Variants in ERC2 observed in about 807,000 individuals in gnomAD.
ERC2 encodes the protein ERC protein 2.
Under a neutral mutation model 114.8 loss-of-function variants are expected in ERC2, and 42 were observed. That is an observed-to-expected ratio of 0.37 (90% confidence interval 0.29 to 0.47). The LOEUF is 0.47. ERC2 is among the 20% of genes least tolerant of loss of function. ERC2 has a pLI of 0.99. For synonymous variants in ERC2, 454 were observed against 425.5 expected (o/e 1.07, Z -0.82); for missense variants, 939 against 1,150.7 (o/e 0.82, Z 2.66).
intron 14 of ERC2, among the ~76,000 whole-genome samples, chr3:55,838,167 C>A (rs1370911243): frequency 2.0e-5 from 3 of 151,610 alleles, no homozygotes; most frequent in Non-Finnish European, 4.4e-5. Flanking sequence ...GAAAGAAAAT[C>A]AACAACGGGA....
At chr3:55,669,809 T>C (rs1438808750) in intron 17 of ERC2, among the ~76,000 whole-genome samples, 1 of 152,260 alleles carries the variant, frequency 6.6e-6, no homozygotes, top group Non-Finnish European at 1.5e-5. Flanking sequence ...GTTCCATTTG[T>C]TCCCTTGGCC....
At chr3:56,401,672 C>T (rs9856215) in intron 2 of ERC2, among the ~76,000 whole-genome samples, 6,769 of 152,160 alleles carry the variant, frequency 0.044, 374 homozygotes, top group African/African-American at 0.13. Flanking sequence ...AGTAGAATAG[C>T]TGCTGGGCAA....
chr3:56,389,490 C>T (rs1319135787), intron 2 of ERC2, among the ~76,000 whole-genome samples: 3 of 152,132 alleles, frequency 2.0e-5, no homozygotes, highest in Non-Finnish European at 4.4e-5. Flanking sequence ...TGAGAAAGGC[C>T]ACCTGCAAAT....
chr3:55,748,367 A>G (rs1484103919), intron 14 of ERC2, among the ~76,000 whole-genome samples: 3 of 152,182 alleles, frequency 2.0e-5, no homozygotes, highest in African/African-American at 7.2e-5. Flanking sequence ...CTGAGTGACC[A>G]CTGTGTACCA....
intron 13 of ERC2, among the ~76,000 whole-genome samples, chr3:55,921,513 T>A (rs765101923): frequency 3.9e-5 from 6 of 152,102 alleles, no homozygotes; most frequent in African/African-American, 7.2e-5. Context: ...CAAAATTCTG[T>A]CATCGCAAAC....
chr3:55,827,145 TG>T (rs1355038621), intron 14 of ERC2, among the ~76,000 whole-genome samples: 1 of 152,216 alleles, frequency 6.6e-6, no homozygotes, highest in Non-Finnish European at 1.5e-5. Context: ...GTATTCCTGC[TG>T]CATGTGATTC....
chr3:55,713,307 T>C (rs1286672082), intron 15 of ERC2, among the ~76,000 whole-genome samples: 4 of 151,892 alleles, frequency 2.6e-5, no homozygotes, highest in Admixed American at 6.6e-5. Flanking sequence ...ACCTCCCAGG[T>C]TCAAGCAATT....
intron 5 of ERC2, among the ~76,000 whole-genome samples, chr3:56,140,907 C>T (rs1431004837): frequency 2.6e-5 from 4 of 152,072 alleles, no homozygotes; most frequent in African/African-American, 7.2e-5. Flanking sequence ...ACCTGTATTC[C>T]CAGCTACTCG....
chr3:55,885,361 A>G (rs1443227261), intron 14 of ERC2, among the ~76,000 whole-genome samples: 1 of 152,230 alleles, frequency 6.6e-6, no homozygotes, highest in African/African-American at 2.4e-5. Flanking sequence ...TGGTGCCTCT[A>G]GTTGAGGATC....
chr3:56,064,757 G>C (rs1354302818), intron 7 of ERC2, among the ~76,000 whole-genome samples: 3 of 131,284 alleles, frequency 2.3e-5, no homozygotes, highest in Non-Finnish European at 5.1e-5. Context: ...GAGTTGCCTA[G>C]AGGCTGTAAG....
intron 3 of ERC2, among the ~76,000 whole-genome samples, chr3:56,230,547 G>A (rs192725180): frequency 2.6e-5 from 4 of 152,114 alleles, no homozygotes; most frequent in South Asian, 2.1e-4. Context: ...GACATGAGCC[G>A]CCACAGTTGG....
At chr3:56,010,677 A>C (rs906080700) in intron 8 of ERC2, 88 bp from the exon 9 acceptor site, 2 of 1,405,080 alleles carry the variant, frequency 1.4e-6, no homozygotes, top group Middle Eastern at 1.8e-4. Flanking sequence ...GAGGCAGTAC[A>C]TCTAAGAAAT....
intron 6 of ERC2, among the ~76,000 whole-genome samples, chr3:56,096,544 T>C (rs973241045): frequency 1.3e-5 from 2 of 152,214 alleles, no homozygotes; most frequent in Non-Finnish European, 2.9e-5. Flanking sequence ...AATTATGACA[T>C]GTATCTTATC....
chr3:56,279,722 A>C (rs867593737), intron 3 of ERC2, among the ~76,000 whole-genome samples: 1 of 152,238 alleles, frequency 6.6e-6, no homozygotes, highest in Non-Finnish European at 1.5e-5. Flanking sequence ...GATGATCCTG[A>C]GAGTAGCATG....
chr3:55,581,118 T>C (rs1037397172), intron 17 of ERC2, among the ~76,000 whole-genome samples: 2 of 152,146 alleles, frequency 1.3e-5, no homozygotes, highest in Non-Finnish European at 2.9e-5. Context: ...GCTGGGTGAC[T>C]CTCACTGATT....
At chr3:56,274,627 T>C (rs1209092670) in intron 3 of ERC2, among the ~76,000 whole-genome samples, 2 of 152,198 alleles carry the variant, frequency 1.3e-5, no homozygotes, top group African/African-American at 2.4e-5. Flanking sequence ...GATTCAAATA[T>C]TGTTTGTGTG....
Position 56,144,891 on chromosome 3 carries a change from T to G in ERC2, c.1305+4086A>C, listed in dbSNP as rs565467363. 4.6e-5 allele frequency among the ~76,000 whole-genome samples: 7 copies of G among 152,326 alleles called. No individual in the cohort carries two copies. In the East Asian group the frequency reaches 1.3e-3, roughly 29 times the overall value. ...CCCATAAAAATATCCCTTTTGCTTC[T>G]TTTACAGCCATAAATTCCATAAAAA... On this transcript the variant is annotated intron_variant, in intron 5 of 17. Coordinates refer to ENST00000288221, the MANE Select transcript of ERC2 (RefSeq NM_015576.3).
At chr3:55,583,528 C>CCTTCCTTCCTTT (rs2057416190) in intron 17 of ERC2, among the ~76,000 whole-genome samples, 1 of 56,204 alleles carries the variant, frequency 1.8e-5, no homozygotes, top group African/African-American at 6.7e-5. Flanking sequence ...TCCCTCCCTT[C>CCTTCCTTCCTTT]CTTCCTTCCT....
intron 6 of ERC2, among the ~76,000 whole-genome samples, chr3:56,102,606 G>A (rs1162968378): frequency 7.9e-5 from 12 of 152,132 alleles, no homozygotes; most frequent in Non-Finnish European, 1.5e-4. Flanking sequence ...GTTTTCCTAA[G>A]AAAAGGTTTA....
Sources: gnomAD v4.1 joint callset for allele counts (sites outside exome capture counted in the v4.1 genomes callset) on GRCh38, gnomAD v4.1.1 for gene constraint, MANE v1.5 for transcripts, NCBI Gene and HGNC (gene_info 2026-07-23, HGNC 2026-07-21) for gene names.